The following EMILIN2 variants were observed in gnomAD, a reference collection of about 807,000 sequenced individuals.
EMILIN2 encodes the protein elastin microfibril interfacer 2.
A neutral mutation model predicts 87.1 loss-of-function variants in EMILIN2; 71 were observed. That is an observed-to-expected ratio of 0.82 (90% CI 0.67 to 0.99). The LOEUF is 0.99. Among genes scored for constraint, EMILIN2 ranks in the 50% least tolerant of loss-of-function variants. EMILIN2 has a pLI of 0.00. For missense variants in EMILIN2, 1,407 were observed against 1,371.8 expected, an observed-to-expected ratio of 1.03 and a Z score of -0.40; for synonymous variants, 581 against 563.4, an observed-to-expected ratio of 1.03 and a Z score of -0.44.
chr18:2,912,841 T>C (rs1031084978), intron 7 of EMILIN2, among the ~76,000 whole-genome samples: 1 of 152,120 alleles, frequency 6.6e-6, no homozygotes, highest in Non-Finnish European at 1.5e-5. Context: ...CAAGAGGCAT[T>C]CTTAGGCCCA....
intron 4 of EMILIN2, among the ~76,000 whole-genome samples, chr18:2,900,261 C>T (rs2144056092): frequency 6.6e-6 from 1 of 152,304 alleles, no homozygotes; most frequent in East Asian, 1.9e-4. Context: ...GATTATATCT[C>T]ACTACAGCCT....
intron 2 of EMILIN2, among the ~76,000 whole-genome samples, chr18:2,854,775 CAG>C (rs1464960156): frequency 1.3e-5 from 2 of 152,046 alleles, no homozygotes; most frequent in Non-Finnish European, 2.9e-5. Context: ...GCGTGGATGA[CAG>C]AGTCAAAAAC....
chr18:2,886,186 G>A (rs1242477114), intron 3 of EMILIN2, among the ~76,000 whole-genome samples: 2 of 152,038 alleles, frequency 1.3e-5, no homozygotes, highest in Non-Finnish European at 2.9e-5. Flanking sequence ...CTCTATACTG[G>A]GTACTTGGAA....
intron 2 of EMILIN2, among the ~76,000 whole-genome samples, chr18:2,857,576 C>T (rs1328891326): frequency 6.6e-6 from 1 of 152,186 alleles, no homozygotes; most frequent in African/African-American, 2.4e-5. Context: ...GCCGAGGGGG[C>T]GATTGCGACA....
Position 2,891,168 on chromosome 18 carries a change from G to A in EMILIN2, c.1041G>A (p.Lys347=), listed in dbSNP as rs76428378. 14,022 of 1,614,244 alleles carry A rather than the reference G, an allele frequency of 8.7e-3. 79 individuals carry two copies. The highest frequency in any genetic ancestry group is 0.013 in the South Asian group (1,178 of 91,088). Reference sequence around the variant, plus strand: ...ACCTGAAAAACTCATGTGAGTACAAGCTCACTGGCCTCCAGCAGCAGTGTG... The same window carrying A: ...ACCTGAAAAACTCATGTGAGTACAAACTCACTGGCCTCCAGCAGCAGTGTG... ...LADLKNSCEY[K]LTGLQQQCDD... The change falls in exon 4 of 8, where the codon AAG becomes AAA. Residue 347 remains lysine (K), a synonymous_variant. Transcript: ENST00000254528. This position sits in a 1 kb window ranked among gnomAD's most constrained non-coding sequence, Gnocchi z 4.6.
intron 3 of EMILIN2, among the ~76,000 whole-genome samples, chr18:2,888,493 A>G (rs976376617): frequency 6.6e-6 from 1 of 152,018 alleles, no homozygotes; most frequent in African/African-American, 2.4e-5. Flanking sequence ...AGGCGGGTGG[A>G]TCACAAGGTC....
chr18:2,912,997 G>A (rs2076948445), intron 7 of EMILIN2, 70 bp from the exon 8 acceptor site: 4 of 1,517,048 alleles, frequency 2.6e-6, no homozygotes, highest in Admixed American at 1.8e-5. Context: ...ATCACTGGGG[G>A]GCCACTTACT....
At chr18:2,869,406 ATC>A (rs1378686858) in intron 2 of EMILIN2, among the ~76,000 whole-genome samples, 1 of 152,152 alleles carries the variant, frequency 6.6e-6, no homozygotes, top group African/African-American at 2.4e-5. Flanking sequence ...TCCCTTGCTA[ATC>A]TCTCCCTCCA....
chr18:2,911,974 G>A (rs950015375), intron 7 of EMILIN2, among the ~76,000 whole-genome samples: 7 of 151,768 alleles, frequency 4.6e-5, no homozygotes, highest in Non-Finnish European at 1.0e-4. Context: ...AGGGGACTGG[G>A]TAGCCAGACC....
At chr18:2,858,579 G>A (rs370012253) in intron 2 of EMILIN2, among the ~76,000 whole-genome samples, 7,196 of 62,038 alleles carry the variant, frequency 0.12, 984 homozygotes, top group Non-Finnish European at 0.14. Context: ...ATGTGTGTGT[G>A]TGTGTATATA....
chr18:2,897,454 A>G (rs2076868538), intron 4 of EMILIN2, among the ~76,000 whole-genome samples: 1 of 152,254 alleles, frequency 6.6e-6, no homozygotes, highest in Non-Finnish European at 1.5e-5. Context: ...CACAGCAGAC[A>G]CAGGGTGAAG....
At chr18:2,888,524 G>A (rs1057170412) in intron 3 of EMILIN2, among the ~76,000 whole-genome samples, 1 of 151,932 alleles carries the variant, frequency 6.6e-6, no homozygotes, top group African/African-American at 2.4e-5. Context: ...GACCATCCTG[G>A]CTAACACAGT....
At chr18:2,875,277 G>T (rs1240106448) in intron 2 of EMILIN2, among the ~76,000 whole-genome samples, 1 of 152,240 alleles carries the variant, frequency 6.6e-6, no homozygotes, top group African/African-American at 2.4e-5. Context: ...CAAGTCCACG[G>T]AGGGAGGGTC....
chr18:2,846,936 G>A, upstream of EMILIN2: 2 of 994,226 alleles, frequency 2.0e-6, no homozygotes, highest in Non-Finnish European at 2.4e-6. The surrounding 1 kb of genome is among the most constrained non-coding windows in gnomAD (Gnocchi z 5.3). Context: ...GTGAAATAAA[G>A]AGGGCGGCAC....
At chr18:2,888,663 C>A (rs193192585) in intron 3 of EMILIN2, among the ~76,000 whole-genome samples, 1 of 145,184 alleles carries the variant, frequency 6.9e-6, no homozygotes, top group Non-Finnish European at 1.5e-5. Context: ...TGCAGTGAGC[C>A]GAGATAGCAC....
rs983563147 is a variant in EMILIN2 at position 2,866,520 on chromosome 18, G to C, written c.258-18444G>C. On this transcript the variant is annotated intron_variant, in intron 2 of 7. Coordinates refer to ENST00000254528, the MANE Select transcript of EMILIN2 (RefSeq NM_032048.3). ...GTGTATACGCTTTTGGTGTATATCA[G>C]AACTACTGATTTGTGTACATTAATT... is the stretch of plus-strand genomic sequence containing the variant. Among the ~76,000 whole-genome samples the C allele has an allele frequency of 1.1e-4, 16 of 152,332 alleles. No homozygotes were observed. In the East Asian group the frequency reaches 2.5e-3, roughly 24 times the overall value.
chr18:2,902,059 G>C (rs2076890297), intron 4 of EMILIN2, among the ~76,000 whole-genome samples: 1 of 152,128 alleles, frequency 6.6e-6, no homozygotes, highest in Admixed American at 6.5e-5. Flanking sequence ...AACAAGTCTG[G>C]GTGTTGAGGG....
chr18:2,910,492 A>G (rs2076935498), intron 7 of EMILIN2, among the ~76,000 whole-genome samples: 1 of 152,120 alleles, frequency 6.6e-6, no homozygotes, highest in Admixed American at 6.5e-5. Flanking sequence ...AGCTCCAAGG[A>G]AACAGGGTCC....
chr18:2,903,161 G>C (rs1304126538), intron 4 of EMILIN2, among the ~76,000 whole-genome samples: 1 of 143,770 alleles, frequency 7.0e-6, no homozygotes, highest in Non-Finnish European at 1.5e-5. Flanking sequence ...AGATGGAGCT[G>C]ATCCAAGAAG....
Sources: allele counts gnomAD v4.1 joint callset (sites outside exome capture counted in the v4.1 genomes callset), GRCh38; gene constraint gnomAD v4.1.1; non-coding constraint Gnocchi (gnomAD v3.1); transcripts MANE v1.5; gene names NCBI Gene and HGNC (gene_info 2026-07-23, HGNC 2026-07-21).